The following FHOD3 variants were observed in gnomAD, a reference collection of about 807,000 sequenced individuals.
FHOD3 encodes formin homology 2 domain containing 3, also known as FH1/FH2 domain-containing protein 3.
In FHOD3, 90 loss-of-function variants were observed where a neutral mutation model predicts 173.0. That is an observed-to-expected ratio of 0.52 (90% CI 0.44 to 0.62). The LOEUF is 0.62. Among genes scored for constraint, FHOD3 ranks in the 20% least tolerant of loss-of-function variants. The pLI is 0.00. For synonymous variants in FHOD3, 828 were observed against 823.0 expected (o/e 1.01, Z -0.10); for missense variants, 1,945 against 2,034.7 (o/e 0.96, Z 0.85).
intron 19 of FHOD3, among the ~76,000 whole-genome samples, chr18:36,722,689 C>CA (rs1398597302): frequency 2.0e-5 from 3 of 152,084 alleles, no homozygotes; most frequent in Non-Finnish European, 4.4e-5. Context: ...ACTACGGCCT[C>CA]AAACTCCTGG....
intron 16 of FHOD3, among the ~76,000 whole-genome samples, chr18:36,692,066 G>A (rs545188139): frequency 6.6e-6 from 1 of 152,350 alleles, no homozygotes; most frequent in South Asian, 2.1e-4. Context: ...GGAGGGAGAT[G>A]TGCATGCAAG....
chr18:36,439,742 A>G (rs1485261000), intron 3 of FHOD3, among the ~76,000 whole-genome samples: 1 of 152,166 alleles, frequency 6.6e-6, no homozygotes, highest in East Asian at 1.9e-4. Context: ...CATAAGCCTG[A>G]GAACCTGGGA....
At chr18:36,433,966 A>G (rs917257838) in intron 3 of FHOD3, among the ~76,000 whole-genome samples, 5 of 152,180 alleles carry the variant, frequency 3.3e-5, no homozygotes, top group Admixed American at 6.5e-5. Context: ...CATGTTTTCA[A>G]AAATTTCCTT....
intron 5 of FHOD3, among the ~76,000 whole-genome samples, chr18:36,570,429 C>T (rs1439884069): frequency 1.3e-5 from 2 of 152,000 alleles, no homozygotes; most frequent in Admixed American, 6.6e-5. Flanking sequence ...AAAATATCTC[C>T]AGCCCCAAAC....
At position 36,777,198 on chromosome 18, in the gene FHOD3, CTT is replaced by C. The variant is rs11294880; in HGVS notation, c.4787-2229_4787-2228del. 5.1e-3 allele frequency among the ~76,000 whole-genome samples: 551 copies of C among 108,850 alleles called. 4 individuals are homozygous for C. Among genetic ancestry groups the C allele is most frequent in the African/African-American group, 0.019 (499 of 26,772 alleles). The allele number at this position is 108,850 out of a possible 152,430, so 71.4% of individuals were successfully genotyped here. A position where few individuals can be genotyped will look rare whatever the true frequency, so the allele number is the denominator to read the frequency against. On this transcript the variant is annotated intron_variant, in intron 28 of 28. Transcript: ENST00000590592. Reference sequence around the variant, plus strand: ...GCATGAACTACTTCTTCTTCTTTTTCTTTTTTTTTTTTTTTTTTTTTTGAGAT... The same window carrying C: ...GCATGAACTACTTCTTCTTCTTTTTCTTTTTTTTTTTTTTTTTTTTGAGAT...
chr18:36,317,422 G>A lies in FHOD3; in HGVS notation c.165+19422G>A, dbSNP rs116904227. Among the ~76,000 whole-genome samples the A allele has an allele frequency of 8.3e-4, 126 of 152,204 alleles. No individual in the cohort carries two copies. The East Asian group carries it at 0.022, about 27-fold the overall frequency. On this transcript the variant is annotated intron_variant, in intron 1 of 28. Transcript: ENST00000590592. Reference sequence around the variant, plus strand: ...CTTTTTAATGATTGCCATTCTAACCGGCATGAGTTATGATTTGCATTGTGG... The same window carrying A: ...CTTTTTAATGATTGCCATTCTAACCAGCATGAGTTATGATTTGCATTGTGG...
At chr18:36,396,110 G>A (rs929871106) in intron 3 of FHOD3, among the ~76,000 whole-genome samples, 1 of 152,004 alleles carries the variant, frequency 6.6e-6, no homozygotes, top group South Asian at 2.1e-4. Context: ...ATAAAGTATT[G>A]CTTTTGAAAA....
At chr18:36,378,755 C>T (rs2047582242) in intron 3 of FHOD3, among the ~76,000 whole-genome samples, 1 of 152,154 alleles carries the variant, frequency 6.6e-6, no homozygotes, top group South Asian at 2.1e-4. Flanking sequence ...GATCTCAGCT[C>T]ACTGCAACCT....
intron 3 of FHOD3, among the ~76,000 whole-genome samples, chr18:36,482,768 ATGTT>A (rs2053971847): frequency 6.6e-6 from 1 of 151,826 alleles, no homozygotes; most frequent in East Asian, 1.9e-4. Context: ...AGTCCAATAA[ATGTT>A]TGTTTGACTT....
chr18:36,306,606 A>G (rs1218027580), intron 1 of FHOD3, among the ~76,000 whole-genome samples: 1 of 152,220 alleles, frequency 6.6e-6, no homozygotes, highest in Non-Finnish European at 1.5e-5. Context: ...AACCTCCCTT[A>G]GCCCTCTTGC....
chr18:36,427,789 TA>T (rs1381799020), intron 3 of FHOD3, among the ~76,000 whole-genome samples: 1 of 152,244 alleles, frequency 6.6e-6, no homozygotes, highest in Non-Finnish European at 1.5e-5. Flanking sequence ...AATGGATATG[TA>T]AATGATTCCA....
intron 3 of FHOD3, among the ~76,000 whole-genome samples, chr18:36,407,365 C>T (rs1049572853): frequency 6.6e-6 from 1 of 152,218 alleles, no homozygotes; most frequent in African/African-American, 2.4e-5. Flanking sequence ...TCCCCACCAA[C>T]ATGCTCCCTG....
intron 3 of FHOD3, among the ~76,000 whole-genome samples, chr18:36,440,281 C>G (rs2051059671): frequency 6.6e-6 from 1 of 152,350 alleles, no homozygotes; most frequent in South Asian, 2.1e-4. Flanking sequence ...ACCGGCCCAG[C>G]TGTCATCTTC....
At chr18:36,429,412 A>G (rs2050413876) in intron 3 of FHOD3, among the ~76,000 whole-genome samples, 1 of 152,188 alleles carries the variant, frequency 6.6e-6, no homozygotes, top group Non-Finnish European at 1.5e-5. Context: ...CCAGTTTCCT[A>G]TGGAAGGCTC....
chr18:36,487,786 C>A (rs1288721601), intron 3 of FHOD3, among the ~76,000 whole-genome samples: 3 of 152,182 alleles, frequency 2.0e-5, no homozygotes, highest in African/African-American at 7.2e-5. Flanking sequence ...AGACAACTTG[C>A]TGGAACTGCA....
intron 3 of FHOD3, among the ~76,000 whole-genome samples, chr18:36,462,104 TA>T (rs1195104913): frequency 1.3e-5 from 2 of 152,210 alleles, no homozygotes; most frequent in Non-Finnish European, 2.9e-5. Flanking sequence ...ATGATTTTTT[TA>T]AAGTAGAAAG....
intron 10 of FHOD3, among the ~76,000 whole-genome samples, chr18:36,634,079 G>A (rs994166396): frequency 1.3e-5 from 2 of 152,194 alleles, no homozygotes; most frequent in South Asian, 2.1e-4. Context: ...TGAGGCTGTG[G>A]AGGAGCAGAG....
intron 5 of FHOD3, among the ~76,000 whole-genome samples, chr18:36,566,904 A>C (rs2058284480): frequency 6.6e-6 from 1 of 152,228 alleles, no homozygotes. Context: ...TGAAAATAAG[A>C]ACAATATTTC....
At chr18:36,637,934 C>T (rs2035008260) in intron 10 of FHOD3, among the ~76,000 whole-genome samples, 1 of 152,078 alleles carries the variant, frequency 6.6e-6, no homozygotes, top group Non-Finnish European at 1.5e-5. Context: ...AATACCAATA[C>T]CAGAAGTGCT....
Sources: gnomAD v4.1 joint callset for allele counts (sites outside exome capture counted in the v4.1 genomes callset) on GRCh38, gnomAD v4.1.1 for gene constraint, MANE v1.5 for transcripts, NCBI Gene and HGNC (gene_info 2026-07-23, HGNC 2026-07-21) for gene names.